Variants in TAFA2 observed in about 807,000 individuals in gnomAD.
The protein encoded by TAFA2 is chemokine-like protein TAFA-2.
TAFA2 carries 7 observed loss-of-function variants against 18.8 expected under a neutral mutation model. The observed-to-expected ratio is 0.37, with a 90% CI of 0.21 to 0.70. The LOEUF is 0.70. Ranked by LOEUF, TAFA2 falls within the 30% of genes least tolerant of loss-of-function variation. The pLI is 0.53. For missense variants in TAFA2, 122 were observed against 158.1 expected (o/e 0.77, Z 1.23); for synonymous variants, 60 against 54.2 (o/e 1.11, Z -0.47).
At position 62,142,230 on chromosome 12, in the gene TAFA2, G is replaced by A. The variant is rs532336248; in HGVS notation, c.-2+49029C>T. ...AATGAGAAAAATAATAACTACCTGA[G>A]CCTGGTGTAGTGCCCACACCCCTAA... is the stretch of plus-strand genomic sequence containing the variant. On this transcript the variant is annotated intron_variant, in intron 1 of 4. Transcript: ENST00000416284. Among the ~76,000 whole-genome samples the A allele has an allele frequency of 6.8e-4, 104 of 152,220 alleles. 2 individuals carry two copies. In the South Asian group the frequency reaches 0.021, roughly 31 times the overall value.
At chr12:61,762,004 T>A (rs1203902675) in intron 2 of TAFA2, among the ~76,000 whole-genome samples, 1 of 152,058 alleles carries the variant, frequency 6.6e-6, no homozygotes. Flanking sequence ...TTCCTCCTGC[T>A]CTGGGCATGT....
intron 1 of TAFA2, among the ~76,000 whole-genome samples, chr12:62,049,610 C>T (rs1276610158): frequency 6.6e-6 from 1 of 152,046 alleles, no homozygotes; most frequent in Non-Finnish European, 1.5e-5. Context: ...ATGAAAAACC[C>T]TTTTTTCATA....
intron 1 of TAFA2, among the ~76,000 whole-genome samples, chr12:62,086,218 A>G (rs1868446666): frequency 6.6e-6 from 1 of 152,196 alleles, no homozygotes; most frequent in South Asian, 2.1e-4. Flanking sequence ...AGGAAAAAGC[A>G]TCATGACATT....
At chr12:61,969,262 TA>T (rs1210574162) in intron 1 of TAFA2, among the ~76,000 whole-genome samples, 2 of 151,678 alleles carry the variant, frequency 1.3e-5, no homozygotes, top group African/African-American at 4.8e-5. Flanking sequence ...ATTTTAAGGT[TA>T]AAAAACGATT....
chr12:62,210,936 A>C (rs2062710694), intron 1 of TAFA2, among the ~76,000 whole-genome samples: 1 of 150,214 alleles, frequency 6.7e-6, no homozygotes, highest in African/African-American at 2.4e-5. Context: ...CCCCCCAAAA[A>C]AACGGTGAAA....
intron 4 of TAFA2, among the ~76,000 whole-genome samples, chr12:61,719,875 C>T (rs1346575052): frequency 3.3e-5 from 5 of 152,116 alleles, no homozygotes; most frequent in East Asian, 3.9e-4. Context: ...GCATTCTCTC[C>T]GCTCCATCCC....
chr12:61,780,340 G>T (rs1261164179), intron 2 of TAFA2, among the ~76,000 whole-genome samples: 1 of 151,736 alleles, frequency 6.6e-6, no homozygotes, highest in Admixed American at 6.6e-5. Flanking sequence ...ACAGCATGGA[G>T]GTATAAAAAG....
intron 2 of TAFA2, among the ~76,000 whole-genome samples, chr12:61,779,522 T>C (rs1251741351): frequency 6.6e-6 from 1 of 151,878 alleles, no homozygotes; most frequent in Non-Finnish European, 1.5e-5. Context: ...CCACAGCCTA[T>C]GCTCACCCTG....
At chr12:61,794,248 T>A (rs145901778) in intron 2 of TAFA2, among the ~76,000 whole-genome samples, 331 of 152,080 alleles carry the variant, frequency 2.2e-3, no homozygotes, top group African/African-American at 7.1e-3. Context: ...AGTATCCAGA[T>A]TGGAAAGGAA....
intron 1 of TAFA2, among the ~76,000 whole-genome samples, chr12:62,131,258 T>C (rs11832462): frequency 0.15 from 22,909 of 151,826 alleles, 1,813 homozygotes; most frequent in Middle Eastern, 0.19. Context: ...CCCCTTAAAC[T>C]GTAGGGACTC....
chr12:62,234,425 T>G (rs1288962458), intron 1 of TAFA2: 1 of 740,450 alleles, frequency 1.4e-6, no homozygotes, highest in African/African-American at 1.7e-5. Flanking sequence ...TGTCCATTGT[T>G]GGCCCGTGGG....
intron 2 of TAFA2, among the ~76,000 whole-genome samples, chr12:61,802,934 G>C (rs1403093687): frequency 6.6e-6 from 1 of 151,896 alleles, no homozygotes; most frequent in Non-Finnish European, 1.5e-5. Flanking sequence ...GAATTCACTG[G>C]GTTGGTTATT....
chr12:61,814,404 T>C (rs531180993), intron 2 of TAFA2, among the ~76,000 whole-genome samples: 2 of 151,412 alleles, frequency 1.3e-5, no homozygotes, highest in East Asian at 3.9e-4. Context: ...TTATTCTAAG[T>C]TAAATGGGCA....
chr12:62,046,510 A>G (rs1881913276), intron 1 of TAFA2, among the ~76,000 whole-genome samples: 1 of 152,148 alleles, frequency 6.6e-6, no homozygotes, highest in African/African-American at 2.4e-5. Context: ...TTATTATGTC[A>G]CTGATAAAAA....
chr12:61,729,918 C>T (rs1299660624), intron 4 of TAFA2, among the ~76,000 whole-genome samples: 4 of 152,086 alleles, frequency 2.6e-5, no homozygotes, highest in African/African-American at 7.2e-5. Context: ...TGGGGTGATC[C>T]CTCGATGTGG....
intron 1 of TAFA2, among the ~76,000 whole-genome samples, chr12:61,888,110 G>A (rs1003173761): frequency 3.3e-5 from 5 of 151,986 alleles, no homozygotes; most frequent in African/African-American, 1.2e-4. Context: ...GGAGAAACAG[G>A]AACACTTTTA....
At chr12:61,755,679 A>T (rs1261871617) in intron 2 of TAFA2, among the ~76,000 whole-genome samples, 1 of 152,096 alleles carries the variant, frequency 6.6e-6, no homozygotes, top group Non-Finnish European at 1.5e-5. Context: ...AACTTGGATA[A>T]TTCGTATCTG....
At chr12:61,954,879 C>T (rs1199394002) in intron 1 of TAFA2, among the ~76,000 whole-genome samples, 1 of 152,086 alleles carries the variant, frequency 6.6e-6, no homozygotes, top group Non-Finnish European at 1.5e-5. Flanking sequence ...ATAGGAAGTC[C>T]TATTTCAGGG....
At chr12:61,911,123 G>A (rs1439834317) in intron 1 of TAFA2, among the ~76,000 whole-genome samples, 2 of 152,006 alleles carry the variant, frequency 1.3e-5, no homozygotes, top group Non-Finnish European at 2.9e-5. Flanking sequence ...CACTTTCTAG[G>A]CCAATTATTT....
Sources: allele counts gnomAD v4.1 joint callset (sites outside exome capture counted in the v4.1 genomes callset), GRCh38; gene constraint gnomAD v4.1.1; transcripts MANE v1.5; gene names NCBI Gene and HGNC (gene_info 2026-07-23, HGNC 2026-07-21).